CCBE1: variants seen among roughly 807,000 people sequenced by gnomAD.
CCBE1 encodes collagen and calcium-binding EGF domain-containing protein 1.
Under a neutral mutation model 50.0 loss-of-function variants are expected in CCBE1, and 37 were observed. That is an observed-to-expected ratio of 0.74 (90% CI 0.57 to 0.97). The LOEUF (loss-of-function observed/expected upper bound fraction) is 0.97, where lower values mean the gene tolerates loss of function less well. Ranked by LOEUF, CCBE1 falls within the 50% of genes least tolerant of loss-of-function variation. The pLI, the probability that CCBE1 is intolerant of heterozygous loss-of-function variation, is 0.00. For synonymous variants in CCBE1, 234 were observed against 203.7 expected (o/e 1.15, Z -1.27); for missense variants, 538 against 523.8 (o/e 1.03, Z -0.26).
At chr18:59,592,788 TC>T (rs1489582480) in intron 2 of CCBE1, among the ~76,000 whole-genome samples, 10 of 152,328 alleles carry the variant, frequency 6.6e-5, no homozygotes, top group South Asian at 2.1e-4. Context: ...TGTTAATGTT[TC>T]ATGTGCTCAA....
intron 2 of CCBE1, among the ~76,000 whole-genome samples, chr18:59,560,338 C>G (rs2052716599): frequency 6.6e-6 from 1 of 152,152 alleles, no homozygotes; most frequent in Non-Finnish European, 1.5e-5. Flanking sequence ...TCTCAGCAAA[C>G]TAACACGGGA....
chr18:59,674,641 C>G (rs1475897455), intron 2 of CCBE1, among the ~76,000 whole-genome samples: 1 of 152,128 alleles, frequency 6.6e-6, no homozygotes, highest in Admixed American at 6.5e-5. Context: ...GAAAAATAAA[C>G]AAGGTCAATA....
chr18:59,628,290 G>C (rs2053812458), intron 2 of CCBE1, among the ~76,000 whole-genome samples: 1 of 152,102 alleles, frequency 6.6e-6, no homozygotes, highest in Admixed American at 6.5e-5. Context: ...ATTACACAAG[G>C]ATCCACTAAG....
chr18:59,455,029 C>A (rs567826649), intron 5 of CCBE1, 78 bp from the exon 6 acceptor site: 6 of 1,151,096 alleles, frequency 5.2e-6, no homozygotes, highest in Non-Finnish European at 7.8e-6. Flanking sequence ...TCGGGAAGGG[C>A]GGTCCCAGGG....
chr18:59,532,465 T>C (rs948079016), intron 2 of CCBE1, among the ~76,000 whole-genome samples: 1 of 152,214 alleles, frequency 6.6e-6, no homozygotes, highest in Non-Finnish European at 1.5e-5. Context: ...CCTGTACCAA[T>C]AGCTTGCTTC....
At chr18:59,677,739 A>T (rs1451156462) in intron 2 of CCBE1, among the ~76,000 whole-genome samples, 1 of 152,158 alleles carries the variant, frequency 6.6e-6, no homozygotes, top group Non-Finnish European at 1.5e-5. Context: ...TGAAGGTGAG[A>T]AACCAACTGG....
At chr18:59,666,214 G>A (rs2054354061) in intron 2 of CCBE1, 1 of 152,152 alleles carries the variant, frequency 6.6e-6, no homozygotes, top group African/African-American at 2.4e-5. Context: ...GATCTCGTGA[G>A]ACTTATTCAT....
chr18:59,552,916 C>CCT (rs1915980888), intron 2 of CCBE1, among the ~76,000 whole-genome samples: 1 of 152,188 alleles, frequency 6.6e-6, no homozygotes, highest in Non-Finnish European at 1.5e-5. Flanking sequence ...AGCTGTCCCA[C>CCT]CTGTCCAGCC....
At chr18:59,440,801 G>A (rs537919556) in intron 7 of CCBE1, among the ~76,000 whole-genome samples, 2 of 152,182 alleles carry the variant, frequency 1.3e-5, no homozygotes, top group Admixed American at 6.5e-5. Flanking sequence ...ATTGCAGCTG[G>A]AGCAGGAGAA....
intron 5 of CCBE1, chr18:59,455,269 G>A: frequency 4.6e-6 from 2 of 434,790 alleles, no homozygotes; most frequent in South Asian, 4.1e-5. Flanking sequence ...TTTCCAGAAG[G>A]CAGGCTCTAT....
chr18:59,524,501 A>C (rs567855816), intron 2 of CCBE1, among the ~76,000 whole-genome samples: 10 of 152,224 alleles, frequency 6.6e-5, no homozygotes, highest in Non-Finnish European at 1.5e-4. Context: ...AGAAACAAGA[A>C]TTTTTCAAAA....
At chr18:59,571,001 A>C (rs1195612799) in intron 2 of CCBE1, among the ~76,000 whole-genome samples, 1 of 152,150 alleles carries the variant, frequency 6.6e-6, no homozygotes, top group Non-Finnish European at 1.5e-5. Context: ...GAGTAAGTCG[A>C]CTGCTGAGTT....
chr18:59,510,882 C>T (rs183311543), intron 2 of CCBE1, among the ~76,000 whole-genome samples: 2 of 152,314 alleles, frequency 1.3e-5, no homozygotes, highest in African/African-American at 4.8e-5. Context: ...GATTCTGATT[C>T]TCCTGAATCT....
chr18:59,460,236 C>T (rs1474041615), intron 5 of CCBE1, among the ~76,000 whole-genome samples: 1 of 152,232 alleles, frequency 6.6e-6, no homozygotes, highest in Non-Finnish European at 1.5e-5. Flanking sequence ...TGGGGCCACC[C>T]TCCCTTCTCT....
rs1170476172 is a variant in CCBE1, at chr18:59,433,432, G to A, written c.*2476C>T. ...AGGAATTTTGCATAAATGAGACATA[G>A]AGGAGCAAAGTGTTCATGAAAGACT... On this transcript the variant is annotated 3_prime_UTR_variant, in exon 11 of 11. Transcript: ENST00000439986. The A allele has an allele frequency of 6.6e-6, 1 of 151,936 alleles. No homozygotes were observed. The highest frequency in any genetic ancestry group is 1.5e-5 in the Non-Finnish European group (1 of 68,000). The allele number at this position is 151,936 out of a possible 1,614,324, so 9.4% of individuals were successfully genotyped here.
At chr18:59,535,672 C>T (rs1478285143) in intron 2 of CCBE1, among the ~76,000 whole-genome samples, 2 of 152,070 alleles carry the variant, frequency 1.3e-5, no homozygotes, top group African/African-American at 4.8e-5. Flanking sequence ...TTATGACATA[C>T]TCATACAGAG....
At chr18:59,649,835 T>A (rs1307498998) in intron 2 of CCBE1, among the ~76,000 whole-genome samples, 1 of 152,226 alleles carries the variant, frequency 6.6e-6, no homozygotes, top group Non-Finnish European at 1.5e-5. Flanking sequence ...CCATCCCAGT[T>A]TAGGTGCTGA....
At chr18:59,499,162 T>C (rs1913494481) in intron 2 of CCBE1, among the ~76,000 whole-genome samples, 1 of 152,184 alleles carries the variant, frequency 6.6e-6, no homozygotes. Flanking sequence ...ACAAAAGAAA[T>C]GGACACCATA....
intron 2 of CCBE1, among the ~76,000 whole-genome samples, chr18:59,551,691 T>C (rs1470464428): frequency 6.6e-6 from 1 of 152,252 alleles, no homozygotes; most frequent in African/African-American, 2.4e-5. Flanking sequence ...TTTAAAAAAC[T>C]ATTAACATTT....
Sources: allele counts gnomAD v4.1 joint callset (sites outside exome capture counted in the v4.1 genomes callset), GRCh38; gene constraint gnomAD v4.1.1; transcripts MANE v1.5; gene names NCBI Gene and HGNC (gene_info 2026-07-23, HGNC 2026-07-21).